Variants in DNAAF19 observed in about 807,000 individuals in gnomAD.
The protein encoded by DNAAF19 is dynein axonemal assembly factor 19.
At chr17:44,903,434 A>G in the DNAAF19 span, 1 of 1,251,606 alleles carries the variant, frequency 8.0e-7, no homozygotes. Flanking sequence ...TTGATGAAAG[A>G]CTTTTCCACC....
the DNAAF19 span, chr17:44,903,814 C>T: frequency 7.8e-6 from 12 of 1,544,986 alleles, no homozygotes; most frequent in Non-Finnish European, 1.0e-5. Context: ...CCCTCTGACC[C>T]CTGCCTCCTT....
chr17:44,904,024 G>C, the DNAAF19 span: 2 of 1,550,650 alleles, frequency 1.3e-6, no homozygotes, highest in East Asian at 4.9e-5. Context: ...CTGTAGTCTG[G>C]TTCTACCAAA....
At chr17:44,901,557 C>A in the DNAAF19 span, 2 of 1,614,022 alleles carry the variant, frequency 1.2e-6, no homozygotes, top group African/African-American at 2.7e-5. Flanking sequence ...GCCACTGGAG[C>A]GGAAGGATAA....
chr17:44,901,354 G>A, the DNAAF19 span, among the ~76,000 whole-genome samples: 6 of 152,250 alleles, frequency 3.9e-5, no homozygotes, highest in African/African-American at 7.2e-5. Context: ...CTGAGCAAGT[G>A]TCTGACACAT....
the DNAAF19 span, chr17:44,901,109 G>A: frequency 6.2e-7 from 1 of 1,607,920 alleles, no homozygotes; most frequent in East Asian, 2.2e-5. Flanking sequence ...TACGGGCAGT[G>A]GAACAGAGGG....
At chr17:44,902,447 A>G in the DNAAF19 span, 227 of 1,614,098 alleles carry the variant, frequency 1.4e-4, no homozygotes, top group Non-Finnish European at 1.8e-4. Context: ...CCAGAGCGCT[A>G]CCAGGCTCTA....
At chr17:44,901,097 G>A in the DNAAF19 span, 1 of 1,606,010 alleles carries the variant, frequency 6.2e-7, no homozygotes, top group Non-Finnish European at 8.5e-7. Flanking sequence ...ATGCTGCCAA[G>A]TTACGGGCAG....
At chr17:44,902,728 G>A in the DNAAF19 span, 2 of 1,612,378 alleles carry the variant, frequency 1.2e-6, no homozygotes, top group African/African-American at 1.3e-5. Flanking sequence ...GCTCAGCTGG[G>A]AGGAGCAGGG....
chr17:44,903,154 A>G, the DNAAF19 span: 8 of 1,263,776 alleles, frequency 6.3e-6, no homozygotes, highest in Non-Finnish European at 7.0e-6. Context: ...TACAGCCTCC[A>G]CTCATAAAAG....
chr17:44,901,100 A>G, the DNAAF19 span: 1 of 1,606,678 alleles, frequency 6.2e-7, no homozygotes, highest in Non-Finnish European at 8.5e-7. Flanking sequence ...CTGCCAAGTT[A>G]CGGGCAGTGG....
the DNAAF19 span, chr17:44,904,957 G>A: frequency 5.2e-6 from 8 of 1,550,626 alleles, no homozygotes; most frequent in South Asian, 1.2e-5. Context: ...AGACTCGCTC[G>A]GCTGTGGAGC....
chr17:44,903,990 A>G, the DNAAF19 span: 1 of 1,550,634 alleles, frequency 6.4e-7, no homozygotes, highest in Non-Finnish European at 8.7e-7. Flanking sequence ...CTTCCCTGTC[A>G]CTGCAAACCC....
chr17:44,902,600 C>T, the DNAAF19 span: 1 of 1,614,014 alleles, frequency 6.2e-7, no homozygotes, highest in African/African-American at 1.3e-5. Context: ...TGCAGCCTGG[C>T]GAGCACTGGG....
chr17:44,900,878 A>T, the DNAAF19 span: 2 of 1,019,726 alleles, frequency 2.0e-6, no homozygotes, highest in South Asian at 1.9e-5. Flanking sequence ...TCTGAGTGAC[A>T]TGATGTCCAG....
chr17:44,904,788 T>C, the DNAAF19 span: 2 of 1,550,544 alleles, frequency 1.3e-6, no homozygotes, highest in Non-Finnish European at 1.7e-6. Flanking sequence ...AACAGGTCCA[T>C]GAGGGTGTTC....
the DNAAF19 span, chr17:44,901,480 G>A: frequency 1.2e-6 from 2 of 1,612,252 alleles, no homozygotes; most frequent in Non-Finnish European, 1.7e-6. Flanking sequence ...CACAGACACA[G>A]CATTAAGTCC....
chr17:44,905,339 AGT>A, the DNAAF19 span: 1 of 477,050 alleles, frequency 2.1e-6, no homozygotes, highest in East Asian at 3.9e-5. Flanking sequence ...AGAGAAGGAA[AGT>A]GTGAACTCAG....
chr17:44,904,474 C>G, the DNAAF19 span: 9 of 1,546,998 alleles, frequency 5.8e-6, no homozygotes, highest in South Asian at 1.1e-4. Flanking sequence ...TGTCTTGTGG[C>G]TCAAGGGCTG....
the DNAAF19 span, chr17:44,904,147 C>T: frequency 1.3e-6 from 2 of 1,550,380 alleles, no homozygotes; most frequent in South Asian, 2.4e-5. Flanking sequence ...TCAGCATCCG[C>T]ATGTTCAGCT....
Sources: gnomAD v4.1 joint callset for allele counts (sites outside exome capture counted in the v4.1 genomes callset) on GRCh38, gnomAD v4.1.1 for gene constraint, MANE v1.5 for transcripts, NCBI Gene and HGNC (gene_info 2026-07-23, HGNC 2026-07-21) for gene names.